The following PGAP2 variants were observed in gnomAD, a reference collection of about 807,000 sequenced individuals.
PGAP2 encodes acyltransferase PGAP2.
In PGAP2, 21 loss-of-function variants were observed where a neutral mutation model predicts 33.2. The ratio of observed to expected loss-of-function variants is 0.63; its 90% CI spans 0.45 to 0.91. The LOEUF is 0.91. PGAP2 is among the 40% of genes least tolerant of loss of function. PGAP2 has a pLI of 0.00. For synonymous variants in PGAP2, 161 were observed against 172.9 expected (o/e 0.93, Z 0.54); for missense variants, 345 against 424.0 (o/e 0.81, Z 1.64).
At position 3,825,494 on chromosome 11, in the gene PGAP2, GC is replaced by G; in HGVS notation, c.*39del. On this transcript the variant is annotated 3_prime_UTR_variant, in exon 7 of 7. Transcript: ENST00000278243. ...CCTGCTTGGGAGGACGCAGCCCACT[GC>G]CCAGAAACAAGAAACACGATACCAT... 2 of 1,601,178 alleles carry G rather than the reference GC, an allele frequency of 1.2e-6. No individual in the cohort carries two copies. Among genetic ancestry groups the G allele is most frequent in the Non-Finnish European group, 1.7e-6 (2 of 1,174,446 alleles).
intron 3 of PGAP2, among the ~76,000 whole-genome samples, chr11:3,823,154 G>C (rs2089281672): frequency 7.0e-6 from 1 of 143,490 alleles, no homozygotes; most frequent in East Asian, 2.2e-4. Context: ...CTTCTGATCA[G>C]CCTCCTGAGT....
upstream of PGAP2, among the ~76,000 whole-genome samples, chr11:3,806,835 A>G (rs962577805): frequency 6.6e-6 from 1 of 152,128 alleles, no homozygotes; most frequent in African/African-American, 2.4e-5. Flanking sequence ...CAGCCTGACC[A>G]ATATGGCGAA....
intron 5 of PGAP2, chr11:3,824,777 A>G: frequency 7.0e-7 from 1 of 1,429,244 alleles, no homozygotes. Context: ...TGTAACTTTC[A>G]TACTCCATCC....
At chr11:3,810,436 T>C (rs2085310560) in intron 1 of PGAP2, among the ~76,000 whole-genome samples, 1 of 152,192 alleles carries the variant, frequency 6.6e-6, no homozygotes. Flanking sequence ...GGATTGTTGG[T>C]ATACACTTAT....
chr11:3,814,578 T>C (rs987046253), intron 2 of PGAP2, among the ~76,000 whole-genome samples: 16 of 151,840 alleles, frequency 1.1e-4, no homozygotes, highest in African/African-American at 3.9e-4. Context: ...TCTTTCTTCT[T>C]CTTTTTTTTC....
At chr11:3,820,552 C>T (rs986595937) in intron 3 of PGAP2, among the ~76,000 whole-genome samples, 9 of 151,922 alleles carry the variant, frequency 5.9e-5, no homozygotes, top group Non-Finnish European at 1.3e-4. Context: ...CCCAGCTACT[C>T]GGGAGACTGA....
chr11:3,808,754 C>T, intron 1 of PGAP2, 103 bp downstream of exon 1: 1 of 416,152 alleles, frequency 2.4e-6, no homozygotes, highest in South Asian at 8.0e-5. Flanking sequence ...TGTGGGAGTC[C>T]TGGTACCTGC....
intron 2 of PGAP2, among the ~76,000 whole-genome samples, chr11:3,812,762 T>C (rs1460758427): frequency 6.6e-6 from 1 of 152,168 alleles, no homozygotes; most frequent in Non-Finnish European, 1.5e-5. Flanking sequence ...GCTGTGAGTA[T>C]GGGGTGGAGC....
intron 3 of PGAP2, chr11:3,822,817 C>A: frequency 1.4e-6 from 1 of 690,294 alleles, no homozygotes; most frequent in Non-Finnish European, 2.4e-6. Context: ...CCCATCTAAA[C>A]CCTTGTTCAG....
intron 6 of PGAP2, 53 bp from the exon 7 acceptor site, chr11:3,825,275 T>C: frequency 1.3e-6 from 2 of 1,597,118 alleles, no homozygotes; most frequent in East Asian, 4.5e-5. Flanking sequence ...AAGAGGCCTC[T>C]GAGCGGGTAG....
chr11:3,822,727 A>T (rs1381297331), intron 3 of PGAP2, among the ~76,000 whole-genome samples: 1 of 152,178 alleles, frequency 6.6e-6, no homozygotes, highest in Non-Finnish European at 1.5e-5. Flanking sequence ...AGTGAGTTGT[A>T]TGGGTAATTA....
chr11:3,798,732 C>T (rs2082984883), intron 1 of PGAP2, among the ~76,000 whole-genome samples: 1 of 151,582 alleles, frequency 6.6e-6, no homozygotes, highest in Admixed American at 6.6e-5. Context: ...CAATCTCCGC[C>T]TCCCAGGTAC....
At chr11:3,817,701 C>T in intron 3 of PGAP2, 166 bp downstream of exon 3, 1 of 707,616 alleles carries the variant, frequency 1.4e-6, no homozygotes, top group Non-Finnish European at 2.6e-6. Flanking sequence ...TGGGGGGAGA[C>T]TCAGAGAGAA....
chr11:3,808,251 G>C, upstream of PGAP2: 1 of 1,550,432 alleles, frequency 6.4e-7, no homozygotes, highest in Non-Finnish European at 8.7e-7. Flanking sequence ...GGATGAGAAA[G>C]AAATCCGGCC....
chr11:3,811,226 G>A lies in PGAP2; in HGVS notation c.-10-24G>A. 6.3e-7 allele frequency: 1 copy of A among 1,597,674 alleles called. No individual in the cohort carries two copies. Among genetic ancestry groups the A allele is most frequent in the Non-Finnish European group, 8.5e-7 (1 of 1,170,852 alleles). On this transcript the variant is annotated intron_variant, in intron 1 of 6. Transcript: ENST00000278243. This position sits in a 1 kb window ranked among gnomAD's most constrained non-coding sequence, Gnocchi z 4.6. The stretch of plus-strand genomic sequence containing the variant: ...TGCCAGCCTGGCTGCCTGGGGCCCT[G>A]ACAGCATGCCACTCCATCCCCAGGT...
intron 5 of PGAP2, 119 bp from the exon 6 acceptor site, chr11:3,824,901 A>G (rs1263660144): frequency 4.6e-6 from 7 of 1,514,828 alleles, no homozygotes; most frequent in African/African-American, 1.4e-5. Flanking sequence ...GCTCCCTTCC[A>G]TGACCGCTAG....
chr11:3,798,285 G>C (rs576662757), intron 1 of PGAP2, among the ~76,000 whole-genome samples: 1 of 152,208 alleles, frequency 6.6e-6, no homozygotes. Flanking sequence ...AATGAGGATT[G>C]TTGGAACGTC....
intron 3 of PGAP2, among the ~76,000 whole-genome samples, chr11:3,819,857 T>C (rs1008932965): frequency 6.6e-6 from 1 of 152,098 alleles, no homozygotes; most frequent in African/African-American, 2.4e-5. Flanking sequence ...TATATGTGCG[T>C]GTGTGTGTAC....
intron 1 of PGAP2, among the ~76,000 whole-genome samples, chr11:3,799,837 A>T (rs192917165): frequency 8.5e-5 from 13 of 152,228 alleles, no homozygotes; most frequent in East Asian, 3.9e-4. Flanking sequence ...TGTGGTGGCA[A>T]GCGCCTGTGG....
Sources: gnomAD v4.1 joint callset for allele counts (sites outside exome capture counted in the v4.1 genomes callset) on GRCh38, gnomAD v4.1.1 for gene constraint, Gnocchi (gnomAD v3.1) non-coding constraint, MANE v1.5 for transcripts, NCBI Gene and HGNC (gene_info 2026-07-23, HGNC 2026-07-21) for gene names.